The following ITGA9 variants were observed in gnomAD, a reference collection of about 807,000 sequenced individuals.
ITGA9 encodes integrin subunit alpha 9.
In ITGA9, 56 loss-of-function variants were observed where a neutral mutation model predicts 127.8. That is an observed-to-expected ratio of 0.44 (90% CI 0.35 to 0.55). The LOEUF is 0.55. Among genes scored for constraint, ITGA9 ranks in the 20% least tolerant of loss-of-function variants. ITGA9 has a pLI of 0.00. For missense variants in ITGA9, 1,196 were observed against 1,347.1 expected (o/e 0.89, Z 1.76); for synonymous variants, 508 against 514.5 (o/e 0.99, Z 0.17).
chr3:37,657,633 A>C (rs116694992), intron 17 of ITGA9, among the ~76,000 whole-genome samples: 6,722 of 150,630 alleles, frequency 0.045, 174 homozygotes, highest in African/African-American at 0.062. Flanking sequence ...TCAAAAAAAA[A>C]AACCAGCTCC....
intron 17 of ITGA9, among the ~76,000 whole-genome samples, chr3:37,675,809 T>A (rs1217225227): frequency 6.7e-6 from 1 of 148,748 alleles, no homozygotes; most frequent in Non-Finnish European, 1.5e-5. Context: ...AGTGGTGTGA[T>A]CTCGGCTCAC....
chr3:37,732,820 C>T (rs1470968168), intron 19 of ITGA9, 22 bp downstream of exon 19: 3 of 1,569,474 alleles, frequency 1.9e-6, no homozygotes, highest in Admixed American at 1.8e-5. Flanking sequence ...AGACGGGACC[C>T]TTCCTCAGCA....
At chr3:37,514,760 A>G (rs765081720) in intron 9 of ITGA9, among the ~76,000 whole-genome samples, 17 of 152,250 alleles carry the variant, frequency 1.1e-4, no homozygotes, top group Middle Eastern at 3.4e-3. Flanking sequence ...TTTAGTAGAG[A>G]TGGGGTTTCA....
rs572124640 is a variant in ITGA9, at chr3:37,755,983, G to GA, written c.2541+5421dup. 3.2e-3 allele frequency among the ~76,000 whole-genome samples: 483 copies of GA among 151,216 alleles called. 2 individuals are homozygous for GA. The highest frequency in any genetic ancestry group is 4.6e-3 in the Non-Finnish European group (314 of 67,668). On this transcript the variant is annotated intron_variant, in intron 23 of 27. Coordinates refer to ENST00000264741, the MANE Select transcript of ITGA9 (RefSeq NM_002207.3). ...AATCCAAAAGGAAAGAATTTATGAA[G>GA]AAAAAAATAAATGTATAATAAGATG...
In ITGA9 at chr3:37,603,530, G is replaced by A. The variant is rs141226078; in HGVS notation, c.1690-25657G>A. Among the ~76,000 whole-genome samples, 3 of 152,278 alleles carry A rather than the reference G, an allele frequency of 2.0e-5. No individual in the cohort carries two copies. The East Asian group carries it at 5.8e-4, about 29-fold the overall frequency. On this transcript the variant is annotated intron_variant, in intron 15 of 27. Coordinates refer to ENST00000264741, the MANE Select transcript of ITGA9 (RefSeq NM_002207.3). Reference sequence around the variant, plus strand: ...ACTGTGCTTCCCCTACCCAACAGAAGTGGTTCTCCCGTCAGGTTATAATAG... The same window carrying A: ...ACTGTGCTTCCCCTACCCAACAGAAATGGTTCTCCCGTCAGGTTATAATAG...
chr3:37,581,713 C>T (rs1002193645), intron 15 of ITGA9, among the ~76,000 whole-genome samples: 8 of 152,184 alleles, frequency 5.3e-5, no homozygotes, highest in South Asian at 2.1e-4. Context: ...TAGATGACTT[C>T]GGTGCCCTCC....
chr3:37,767,506 T>A (rs886707821), intron 23 of ITGA9, among the ~76,000 whole-genome samples: 1 of 152,230 alleles, frequency 6.6e-6, no homozygotes, highest in African/African-American at 2.4e-5. Context: ...ATTCTTTAAC[T>A]TCTTGCTCCA....
chr3:37,452,238 C>T lies in ITGA9; in HGVS notation c.-137C>T, dbSNP rs928692989. On this transcript the variant is annotated 5_prime_UTR_variant, in exon 1 of 28. Transcript: ENST00000264741. The surrounding 1 kb of genome is among the most constrained non-coding windows in gnomAD (Gnocchi z 7.3). Reference sequence around the variant, plus strand: ...CCGCCGTCCGCGCCCCGGTGGCGGGCCCGACGCCCGCATTCCGCCCGTGTC... The same window carrying T: ...CCGCCGTCCGCGCCCCGGTGGCGGGTCCGACGCCCGCATTCCGCCCGTGTC... 29 of 308,950 alleles carry T rather than the reference C, an allele frequency of 9.4e-5. No individual in the cohort carries two copies. The highest frequency in any genetic ancestry group is 6.5e-5 in the Admixed American group (1 of 15,400). 19.1% of individuals were successfully genotyped at this position (308,950 alleles called of 1,614,324 possible).
chr3:37,479,883 G>T (rs1298586337), intron 3 of ITGA9, among the ~76,000 whole-genome samples: 1 of 152,158 alleles, frequency 6.6e-6, no homozygotes, highest in African/African-American at 2.4e-5. Flanking sequence ...AGACACCTCT[G>T]CTCACCTTCC....
chr3:37,713,591 G>T (rs1383690013), intron 18 of ITGA9, among the ~76,000 whole-genome samples: 1 of 152,146 alleles, frequency 6.6e-6, no homozygotes, highest in African/African-American at 2.4e-5. Context: ...GAGCTGGGGA[G>T]GGGGTGCGGG....
At chr3:37,491,479 G>C (rs1014477505) in intron 4 of ITGA9, among the ~76,000 whole-genome samples, 2 of 152,242 alleles carry the variant, frequency 1.3e-5, no homozygotes, top group African/African-American at 2.4e-5. Context: ...GCAGCCAACT[G>C]CTGGGCCCCA....
At position 37,736,957 on chromosome 3, in the gene ITGA9, T is replaced by C; in HGVS notation, c.2208T>C (p.Val736=). 6.2e-7 allele frequency: 1 copy of C among 1,613,076 alleles called. No individual in the cohort carries two copies. Among genetic ancestry groups the C allele is most frequent in the Non-Finnish European group, 8.5e-7 (1 of 1,179,038 alleles). Reference sequence around the variant, plus strand: ...GCCACCTGTCTGGGGAAGAGGAAGTTCTCAGCTTCATTGTTACTGCTCAGA... The same window carrying C: ...GCCACCTGTCTGGGGAAGAGGAAGTCCTCAGCTTCATTGTTACTGCTCAGA... ...DTSHLSGEEE[V]LSFIVTAQSG... is the part of the protein sequence containing the mutation. The change falls in exon 20 of 28, where the codon GTT becomes GTC. Residue 736 remains valine, a synonymous_variant. Transcript: ENST00000264741.
At chr3:37,491,043 C>T (rs1362139501) in intron 4 of ITGA9, among the ~76,000 whole-genome samples, 14 of 139,156 alleles carry the variant, frequency 1.0e-4, no homozygotes, top group African/African-American at 2.7e-4. Flanking sequence ...GCGGCATGAT[C>T]GTGGCTCACT....
intron 27 of ITGA9, among the ~76,000 whole-genome samples, chr3:37,815,572 G>A (rs1697421260): frequency 6.6e-6 from 1 of 150,506 alleles, no homozygotes; most frequent in South Asian, 2.1e-4. Flanking sequence ...TGGCGCCATT[G>A]CACTCCAGCC....
At chr3:37,648,488 A>C (rs932909683) in intron 16 of ITGA9, among the ~76,000 whole-genome samples, 1 of 152,148 alleles carries the variant, frequency 6.6e-6, no homozygotes, top group Admixed American at 6.5e-5. Context: ...TTATCCAGGC[A>C]TGGTGGCATG....
chr3:37,546,419 T>C (rs539326428), intron 15 of ITGA9, among the ~76,000 whole-genome samples: 152 of 152,354 alleles, frequency 1.0e-3, no homozygotes, highest in African/African-American at 3.4e-3. Context: ...GTCATGCCTA[T>C]GTGCCATGGA....
chr3:37,530,725 T>G (rs1201032921), intron 13 of ITGA9, among the ~76,000 whole-genome samples: 3 of 8,656 alleles, frequency 3.5e-4, no homozygotes, highest in African/African-American at 7.4e-4. Context: ...AGGTTTTTTT[T>G]TTTTTTTTTT....
intron 15 of ITGA9, among the ~76,000 whole-genome samples, chr3:37,568,477 C>A (rs531384850): frequency 6.6e-6 from 1 of 152,346 alleles, no homozygotes; most frequent in Admixed American, 6.5e-5. Context: ...GCTTGAATTT[C>A]TCCTCAGAAA....
chr3:37,456,525 C>T (rs1410121737), intron 1 of ITGA9, among the ~76,000 whole-genome samples: 3 of 152,222 alleles, frequency 2.0e-5, no homozygotes, highest in Admixed American at 1.3e-4. Flanking sequence ...TTTCACACCC[C>T]ACCCCGTCCC....
Sources: gnomAD v4.1 joint callset for allele counts (sites outside exome capture counted in the v4.1 genomes callset) on GRCh38, gnomAD v4.1.1 for gene constraint, Gnocchi (gnomAD v3.1) non-coding constraint, MANE v1.5 for transcripts, NCBI Gene and HGNC (gene_info 2026-07-23, HGNC 2026-07-21) for gene names.